The following GLG1 variants were observed in gnomAD, a reference collection of about 807,000 sequenced individuals.
The protein encoded by GLG1 is golgi glycoprotein 1.
In GLG1, 38 loss-of-function variants were observed where a neutral mutation model predicts 160.5. The ratio of observed to expected loss-of-function variants is 0.24; its 90% CI spans 0.18 to 0.31. GLG1 has a LOEUF of 0.31. Among genes scored for constraint, GLG1 ranks in the 10% least tolerant of loss-of-function variants. GLG1 has a pLI of 1.00. For missense variants in GLG1, 1,373 were observed against 1,505.2 expected, an observed-to-expected ratio of 0.91 and a Z score of 1.45; for synonymous variants, 644 against 543.4, an observed-to-expected ratio of 1.19 and a Z score of -2.57.
At chr16:74,601,491 A>C (rs547195234) in intron 1 of GLG1, among the ~76,000 whole-genome samples, 1 of 152,216 alleles carries the variant, frequency 6.6e-6, no homozygotes, top group East Asian at 1.9e-4. Flanking sequence ...GAAAATGCTT[A>C]CAGTCATTTG....
At chr16:74,506,598 A>AACAAAAAAC (rs1555511226) in intron 3 of GLG1, among the ~76,000 whole-genome samples, 1 of 144,578 alleles carries the variant, frequency 6.9e-6, no homozygotes, top group African/African-American at 2.7e-5. Context: ...AAAAAAAAAA[A>AACAAAAAAC]AAAAAACTCA....
intron 2 of GLG1, among the ~76,000 whole-genome samples, chr16:74,512,868 G>C (rs1261301805): frequency 6.6e-6 from 1 of 152,116 alleles, no homozygotes; most frequent in African/African-American, 2.4e-5. Flanking sequence ...GGTAAGAGGA[G>C]GGACAGGGAG....
intron 2 of GLG1, among the ~76,000 whole-genome samples, chr16:74,526,591 G>A (rs2017341638): frequency 6.6e-6 from 1 of 151,774 alleles, no homozygotes; most frequent in African/African-American, 2.4e-5. Context: ...GGGCATGGTG[G>A]TGTGCATCTG....
At chr16:74,525,013 G>T (rs1340754865) in intron 2 of GLG1, among the ~76,000 whole-genome samples, 1 of 152,110 alleles carries the variant, frequency 6.6e-6, no homozygotes, top group Non-Finnish European at 1.5e-5. Context: ...ATATTTCACT[G>T]TATGGCCACA....
At chr16:74,543,391 C>T (rs2143664432) in intron 1 of GLG1, among the ~76,000 whole-genome samples, 1 of 152,274 alleles carries the variant, frequency 6.6e-6, no homozygotes, top group East Asian at 1.9e-4. Flanking sequence ...TTCTTAAGAC[C>T]AGGAGTTGGA....
intron 20 of GLG1, 85 bp from the exon 21 acceptor site, chr16:74,462,715 A>G (rs1290890741): frequency 4.1e-6 from 5 of 1,211,104 alleles, no homozygotes; most frequent in Non-Finnish European, 6.1e-6. Context: ...AAGGGAGCAT[A>G]TTATGTCAAT....
At chr16:74,584,601 G>A (rs1282050032) in intron 1 of GLG1, among the ~76,000 whole-genome samples, 2 of 152,004 alleles carry the variant, frequency 1.3e-5, no homozygotes, top group Non-Finnish European at 2.9e-5. Context: ...GTAGAGGGTG[G>A]GAAGCGGTTG....
chr16:74,603,089 CA>C (rs1958480446), intron 1 of GLG1, among the ~76,000 whole-genome samples: 6 of 133,782 alleles, frequency 4.5e-5, no homozygotes, highest in African/African-American at 1.6e-4. Context: ...GACTTCGTCT[CA>C]AACAACAACA....
intron 1 of GLG1, among the ~76,000 whole-genome samples, chr16:74,564,685 G>C (rs1421302883): frequency 2.0e-5 from 3 of 152,200 alleles, no homozygotes; most frequent in Admixed American, 6.5e-5. Context: ...AAAAGGCGAA[G>C]CTGTTAAACA....
In GLG1 at chr16:74,469,058, T is replaced by C; in HGVS notation, c.2324A>G (p.Asp775Gly). The C allele has an allele frequency of 3.1e-6, 5 of 1,612,046 alleles. No homozygotes were observed. The highest frequency in any genetic ancestry group is 4.2e-6 in the Non-Finnish European group (5 of 1,178,066). Residue 775 changes from aspartate (D) to glycine (G), a missense_variant, in exon 17 of 26, where the codon GAC becomes GGC. By Grantham distance (94) the Asp-to-Gly change is moderately conservative (BLOSUM62 -1). This residue lies in a region of GLG1 where 491 missense variants were observed against 632.1 expected (regional missense o/e 0.78). Transcript: ENST00000422840. ...KLCPNIKKKV[D>G]VVICLSTTVR... The stretch of plus-strand genomic sequence containing the variant: ...GGTCGTGCTCAGGCAGATCACCACG[T>C]CCACCCTGCAGACGAAAGAAGCTTG...
intron 1 of GLG1, among the ~76,000 whole-genome samples, chr16:74,565,896 T>C (rs1320499280): frequency 6.6e-6 from 1 of 152,202 alleles, no homozygotes; most frequent in Non-Finnish European, 1.5e-5. Flanking sequence ...TTTCTAACGT[T>C]CCGTCTTTGT....
chr16:74,527,245 CTTTTTTTTT>C (rs71158522), intron 2 of GLG1, among the ~76,000 whole-genome samples: 3 of 83,104 alleles, frequency 3.6e-5, no homozygotes, highest in East Asian at 3.4e-4. Flanking sequence ...TAAGTCAGTT[CTTTTTTTTT>C]TTTTTTTTTT....
intron 4 of GLG1, among the ~76,000 whole-genome samples, chr16:74,500,930 T>G (rs541310392): frequency 2.0e-5 from 3 of 152,208 alleles, no homozygotes; most frequent in Non-Finnish European, 4.4e-5. Flanking sequence ...ATCATAGTTT[T>G]GAAATCATGA....
At chr16:74,507,882 G>A (rs1157799512) in intron 3 of GLG1, among the ~76,000 whole-genome samples, 1 of 152,142 alleles carries the variant, frequency 6.6e-6, no homozygotes, top group African/African-American at 2.4e-5. Context: ...AAAGTTAGAG[G>A]TTTAGTCCTA....
chr16:74,522,849 A>G (rs1217450659), intron 2 of GLG1, among the ~76,000 whole-genome samples: 1 of 152,030 alleles, frequency 6.6e-6, no homozygotes, highest in South Asian at 2.1e-4. Flanking sequence ...ACACCCAGCT[A>G]ATTTTTCATA....
intron 1 of GLG1, among the ~76,000 whole-genome samples, chr16:74,544,415 G>T (rs575071557): frequency 6.6e-6 from 1 of 152,298 alleles, no homozygotes; most frequent in African/African-American, 2.4e-5. Context: ...CTAGGTTCAC[G>T]CGAATCTCCT....
At chr16:74,479,714 G>C (rs1443656330) in intron 11 of GLG1, among the ~76,000 whole-genome samples, 1 of 152,182 alleles carries the variant, frequency 6.6e-6, no homozygotes, top group Non-Finnish European at 1.5e-5. Context: ...GTGCATGTCA[G>C]TGCGCACCGG....
intron 1 of GLG1, among the ~76,000 whole-genome samples, chr16:74,538,257 G>C (rs1260249758): frequency 6.7e-6 from 1 of 150,316 alleles, no homozygotes; most frequent in Non-Finnish European, 1.5e-5. Context: ...ATAACCTAAT[G>C]CCTCCTTTCA....
At chr16:74,533,054 C>T (rs2017588992) in intron 1 of GLG1, among the ~76,000 whole-genome samples, 1 of 152,210 alleles carries the variant, frequency 6.6e-6, no homozygotes, top group Non-Finnish European at 1.5e-5. Flanking sequence ...GGCACGGTGG[C>T]TCACGCCTGT....
Sources: gnomAD v4.1 joint callset for allele counts (sites outside exome capture counted in the v4.1 genomes callset) on GRCh38, gnomAD v4.1.1 for gene constraint, gnomAD v4.1.1 regional missense constraint, MANE v1.5 for transcripts, NCBI Gene and HGNC (gene_info 2026-07-23, HGNC 2026-07-21) for gene names.